PACRG: variants seen among roughly 807,000 people sequenced by gnomAD.
PACRG encodes the protein parkin coregulated.
A neutral mutation model predicts 29.7 loss-of-function variants in PACRG; 29 were observed. The observed-to-expected ratio is 0.98, with a 90% CI of 0.73 to 1.33. PACRG has a LOEUF of 1.33. Among genes scored for constraint, PACRG ranks in the 40% most tolerant of loss-of-function variants. The pLI, the probability that PACRG is intolerant of heterozygous loss-of-function variation, is 0.00. For synonymous variants in PACRG, 116 were observed against 118.7 expected (o/e 0.98, Z 0.15); for missense variants, 279 against 316.2 (o/e 0.88, Z 0.89).
At chr6:162,795,540 T>G (rs1785305520) in intron 1 of PACRG, among the ~76,000 whole-genome samples, 1 of 152,178 alleles carries the variant, frequency 6.6e-6, no homozygotes, top group Non-Finnish European at 1.5e-5. Flanking sequence ...CTGTACACAC[T>G]GATTTTTTTT....
At chr6:163,106,403 A>C (rs1469884294) in intron 4 of PACRG, among the ~76,000 whole-genome samples, 1 of 152,174 alleles carries the variant, frequency 6.6e-6, no homozygotes, top group Non-Finnish European at 1.5e-5. Context: ...GTTTCTTCCA[A>C]AGTTATTTTT....
At chr6:163,271,952 G>A (rs73601593) in intron 4 of PACRG, among the ~76,000 whole-genome samples, 8,357 of 151,962 alleles carry the variant, frequency 0.055, 681 homozygotes, top group African/African-American at 0.18. Context: ...CATCAACTGT[G>A]TTTTAAAGTT....
At chr6:163,303,945 G>A (rs888492639) in intron 4 of PACRG, among the ~76,000 whole-genome samples, 3 of 147,586 alleles carry the variant, frequency 2.0e-5, no homozygotes, top group Admixed American at 1.4e-4. Flanking sequence ...GAACAGGGAA[G>A]GTGGAGGTTG....
chr6:162,860,176 G>A (rs539102234), intron 2 of PACRG, among the ~76,000 whole-genome samples: 2 of 152,156 alleles, frequency 1.3e-5, no homozygotes, highest in South Asian at 2.1e-4. Flanking sequence ...AAATATTAAC[G>A]TTATTAGTTT....
At chr6:163,150,569 C>T (rs952562443) in intron 4 of PACRG, among the ~76,000 whole-genome samples, 2 of 149,290 alleles carry the variant, frequency 1.3e-5, no homozygotes, top group Non-Finnish European at 3.0e-5. Context: ...CAATTCAATA[C>T]CACCTTCTTC....
chr6:162,955,127 A>G (rs1011251739), intron 2 of PACRG, among the ~76,000 whole-genome samples: 9 of 152,194 alleles, frequency 5.9e-5, no homozygotes, highest in African/African-American at 2.2e-4. Context: ...ACAAGAAGGG[A>G]ACCTGCAGGC....
At chr6:163,073,776 T>C (rs1400698015) in intron 3 of PACRG, among the ~76,000 whole-genome samples, 2 of 152,290 alleles carry the variant, frequency 1.3e-5, no homozygotes, top group Admixed American at 6.5e-5. Flanking sequence ...GCAAAATATC[T>C]GAATAGACAT....
chr6:162,969,453 C>T (rs181490464), intron 2 of PACRG, among the ~76,000 whole-genome samples: 25 of 152,136 alleles, frequency 1.6e-4, no homozygotes, highest in African/African-American at 6.0e-4. Context: ...ACCCCCTTGT[C>T]GCTCCACTGT....
chr6:163,033,491 T>C (rs1019161262), intron 2 of PACRG, among the ~76,000 whole-genome samples: 13 of 152,252 alleles, frequency 8.5e-5, no homozygotes, highest in Non-Finnish European at 1.8e-4. Flanking sequence ...TTTTATTTTA[T>C]GAATAATCTT....
intron 2 of PACRG, among the ~76,000 whole-genome samples, chr6:162,835,291 T>C (rs2128399751): frequency 6.6e-6 from 1 of 152,282 alleles, no homozygotes; most frequent in Admixed American, 6.5e-5. Context: ...TAAATTTTAT[T>C]CTGTTTGCCA....
At chr6:163,231,033 CAA>C (rs1782021814) in intron 4 of PACRG, among the ~76,000 whole-genome samples, 1 of 152,212 alleles carries the variant, frequency 6.6e-6, no homozygotes, top group Non-Finnish European at 1.5e-5. Context: ...AAGATCCCTG[CAA>C]AGGCAACGGC....
At chr6:162,925,408 A>G (rs1797361648) in intron 2 of PACRG, among the ~76,000 whole-genome samples, 1 of 152,216 alleles carries the variant, frequency 6.6e-6, no homozygotes, top group South Asian at 2.1e-4. Context: ...TACTACAAAA[A>G]TCTTCAATAA....
intron 4 of PACRG, among the ~76,000 whole-genome samples, chr6:163,172,238 G>C (rs1779122512): frequency 6.6e-6 from 1 of 152,138 alleles, no homozygotes; most frequent in Non-Finnish European, 1.5e-5. Flanking sequence ...GAAATTTCCA[G>C]TTCCTCTACC....
chr6:163,130,344 G>A (rs504844), intron 4 of PACRG, among the ~76,000 whole-genome samples: 125,985 of 152,162 alleles, frequency 0.83, 52,307 homozygotes, highest in African/African-American at 0.88. Context: ...TATGCCCAAC[G>A]TCTGGCTATT....
intron 4 of PACRG, among the ~76,000 whole-genome samples, chr6:163,232,818 C>T (rs962019499): frequency 3.3e-5 from 5 of 152,154 alleles, no homozygotes; most frequent in African/African-American, 4.8e-5. Flanking sequence ...GCCTCACCTA[C>T]CCCCCAGCTC....
intron 4 of PACRG, among the ~76,000 whole-genome samples, chr6:163,215,916 C>T (rs1229384007): frequency 2.0e-5 from 3 of 152,142 alleles, no homozygotes; most frequent in South Asian, 2.1e-4. Flanking sequence ...TCAGCAAAAG[C>T]GATTTCCAGG....
chr6:163,009,963 G>A (rs1186458998), intron 2 of PACRG, among the ~76,000 whole-genome samples: 1 of 152,140 alleles, frequency 6.6e-6, no homozygotes, highest in Non-Finnish European at 1.5e-5. Context: ...TGTGTAGGCA[G>A]AAAACATTAA....
At chr6:163,236,818 T>G (rs915580132) in intron 4 of PACRG, among the ~76,000 whole-genome samples, 1 of 152,194 alleles carries the variant, frequency 6.6e-6, no homozygotes, top group Non-Finnish European at 1.5e-5. Context: ...TTCTGCAGGC[T>G]GTACAGGAGG....
intron 4 of PACRG, among the ~76,000 whole-genome samples, chr6:163,154,406 A>T (rs1040541017): frequency 5.3e-5 from 8 of 152,246 alleles, no homozygotes; most frequent in African/African-American, 1.9e-4. Context: ...CTGATAGTTC[A>T]TCTTAAAGAT....
Sources: gnomAD v4.1 joint callset for allele counts (sites outside exome capture counted in the v4.1 genomes callset) on GRCh38, gnomAD v4.1.1 for gene constraint, MANE v1.5 for transcripts, NCBI Gene and HGNC (gene_info 2026-07-23, HGNC 2026-07-21) for gene names.